DLC1: variants seen among roughly 807,000 people sequenced by gnomAD.
DLC1 encodes the protein DLC1 Rho GTPase activating protein.
In DLC1, 54 loss-of-function variants were observed where a neutral mutation model predicts 140.3. The ratio of observed to expected loss-of-function variants is 0.38; its 90% CI spans 0.31 to 0.48. The LOEUF is 0.48. Ranked by LOEUF, DLC1 falls within the 20% of genes least tolerant of loss-of-function variation. The probability of loss-of-function intolerance (pLI) is 0.96; values close to 1 mark genes in which losing one functional copy is unlikely to be tolerated. For synonymous variants in DLC1, 986 were observed against 728.1 expected (o/e 1.35, Z -5.70); for missense variants, 2,536 against 1,907.0 (o/e 1.33, Z -6.14).
rs1832981209 is a variant in DLC1, at chr8:13,319,107, G to T, written c.1315-13805C>A. The stretch of plus-strand genomic sequence containing the variant: ...CGGGTCTATTTATACCTATAATGGG[G>T]ATACCTTTCATCAGACTCAAACGTA... On this transcript the variant is annotated intron_variant, in intron 4 of 17. Transcript: ENST00000276297. 2.0e-5 allele frequency among the ~76,000 whole-genome samples: 3 copies of T among 152,148 alleles called. No homozygotes were observed. In the South Asian group the frequency reaches 6.2e-4, roughly 31 times the overall value.
chr8:13,449,536 A>G (rs373221739), intron 2 of DLC1, among the ~76,000 whole-genome samples: 34 of 152,232 alleles, frequency 2.2e-4, no homozygotes, highest in Admixed American at 2.0e-4. Context: ...AAAGAATCCT[A>G]TTTCCCCATC....
intron 4 of DLC1, among the ~76,000 whole-genome samples, chr8:13,323,643 G>A (rs188105240): frequency 2.1e-3 from 315 of 152,250 alleles, no homozygotes; most frequent in Middle Eastern, 0.01. Context: ...AAGGAACTTA[G>A]ATTTTACAAT....
At chr8:13,282,621 A>G (rs1009060711) in intron 5 of DLC1, among the ~76,000 whole-genome samples, 2 of 152,152 alleles carry the variant, frequency 1.3e-5, no homozygotes, top group South Asian at 4.1e-4. Flanking sequence ...ATTTTATTTT[A>G]TTCCTATTAT....
At chr8:13,088,956 G>A (rs978894700) in intron 15 of DLC1, among the ~76,000 whole-genome samples, 1 of 152,034 alleles carries the variant, frequency 6.6e-6, no homozygotes, top group African/African-American at 2.4e-5. Context: ...TTGTCAACTC[G>A]AGTCAAAATG....
At chr8:13,303,777 G>C (rs1182470205) in intron 5 of DLC1, among the ~76,000 whole-genome samples, 2 of 152,028 alleles carry the variant, frequency 1.3e-5, no homozygotes, top group African/African-American at 4.8e-5. Context: ...GCTCCAGCCT[G>C]GGCAACAGAG....
intron 2 of DLC1, among the ~76,000 whole-genome samples, chr8:13,447,624 C>A (rs1366247527): frequency 2.6e-5 from 4 of 151,884 alleles, no homozygotes; most frequent in Admixed American, 6.6e-5. Context: ...AGGTAATAAA[C>A]GTTATAATAA....
intron 4 of DLC1, among the ~76,000 whole-genome samples, chr8:13,390,192 A>T (rs1373702429): frequency 6.6e-6 from 1 of 152,214 alleles, no homozygotes; most frequent in East Asian, 1.9e-4. Flanking sequence ...AAGAATAACA[A>T]CACCAATAAC....
intron 1 of DLC1, chr8:13,558,461 T>A (rs1563439858): frequency 6.6e-6 from 1 of 152,170 alleles, no homozygotes; most frequent in Non-Finnish European, 1.5e-5. Context: ...GGTTCATAAT[T>A]TTTTCATTTA....
chr8:13,323,366 T>C (rs1419208932), intron 4 of DLC1, among the ~76,000 whole-genome samples: 2 of 152,222 alleles, frequency 1.3e-5, no homozygotes, highest in Non-Finnish European at 2.9e-5. Flanking sequence ...CTTTAGAAGA[T>C]GGTTTTGTGT....
At chr8:13,441,874 C>CA (rs1458625797) in intron 2 of DLC1, among the ~76,000 whole-genome samples, 1 of 151,974 alleles carries the variant, frequency 6.6e-6, no homozygotes, top group African/African-American at 2.4e-5. Flanking sequence ...CATATGGAAC[C>CA]AAAAAAGGGC....
chr8:13,210,941 AG>A (rs1484495534), intron 5 of DLC1, among the ~76,000 whole-genome samples: 1 of 152,222 alleles, frequency 6.6e-6, no homozygotes, highest in East Asian at 1.9e-4. Context: ...AAATGAATAG[AG>A]TGTCAGCTTT....
chr8:13,333,026 A>G (rs1436658332), intron 4 of DLC1, among the ~76,000 whole-genome samples: 2 of 152,202 alleles, frequency 1.3e-5, no homozygotes, highest in African/African-American at 2.4e-5. Context: ...TGGCAACACT[A>G]TGATTCTAGA....
chr8:13,512,907 A>T (rs1563412561), intron 1 of DLC1, among the ~76,000 whole-genome samples: 1 of 149,670 alleles, frequency 6.7e-6, no homozygotes, highest in Non-Finnish European at 1.5e-5. Context: ...TACTGATTTG[A>T]TTTTTTTTTA....
At chr8:13,281,878 G>A (rs1203095011) in intron 5 of DLC1, among the ~76,000 whole-genome samples, 1 of 152,174 alleles carries the variant, frequency 6.6e-6, no homozygotes, top group Admixed American at 6.5e-5. Context: ...CTCTACCTGA[G>A]CTACAAAAAG....
At chr8:13,313,761 A>G (rs1461939079) in intron 4 of DLC1, among the ~76,000 whole-genome samples, 1 of 151,984 alleles carries the variant, frequency 6.6e-6, no homozygotes, top group East Asian at 1.9e-4. Flanking sequence ...ATTTTAAATT[A>G]TTTTCTGTGA....
intron 2 of DLC1, among the ~76,000 whole-genome samples, chr8:13,485,174 T>C (rs1271482307): frequency 6.6e-6 from 1 of 152,198 alleles, no homozygotes; most frequent in Non-Finnish European, 1.5e-5. Flanking sequence ...ATTTTGGAAT[T>C]CTAACACACT....
At chr8:13,119,547 T>G (rs565038366) in intron 5 of DLC1, among the ~76,000 whole-genome samples, 1 of 152,184 alleles carries the variant, frequency 6.6e-6, no homozygotes, top group Non-Finnish European at 1.5e-5. Flanking sequence ...TAAGCGCTAG[T>G]GCATATTAGT....
chr8:13,329,195 C>G (rs989292146), intron 4 of DLC1, among the ~76,000 whole-genome samples: 3 of 152,182 alleles, frequency 2.0e-5, no homozygotes, highest in Non-Finnish European at 4.4e-5. Context: ...GAGTAAATAC[C>G]TTTTCCTCAT....
intron 4 of DLC1, among the ~76,000 whole-genome samples, chr8:13,313,570 A>G (rs528993976): frequency 1.3e-5 from 2 of 152,302 alleles, no homozygotes; most frequent in East Asian, 3.9e-4. Flanking sequence ...ACACAGCTCC[A>G]TGATTGTGAA....
Sources: gnomAD v4.1 joint callset for allele counts (sites outside exome capture counted in the v4.1 genomes callset) on GRCh38, gnomAD v4.1.1 for gene constraint, MANE v1.5 for transcripts, NCBI Gene and HGNC (gene_info 2026-07-23, HGNC 2026-07-21) for gene names.